Variants in RCOR1 observed in about 807,000 individuals in gnomAD.
RCOR1 encodes REST corepressor.
Under a neutral mutation model 64.0 loss-of-function variants are expected in RCOR1, and 12 were observed. The ratio of observed to expected loss-of-function variants is 0.19; its 90% CI spans 0.12 to 0.30. The LOEUF (loss-of-function observed/expected upper bound fraction) is 0.30, where lower values mean the gene tolerates loss of function less well. Ranked by LOEUF, RCOR1 falls within the 10% of genes least tolerant of loss-of-function variation. The pLI is 1.00. For synonymous variants in RCOR1, 279 were observed against 227.2 expected (o/e 1.23, Z -2.05); for missense variants, 502 against 621.2 (o/e 0.81, Z 2.04).
chr14:102,678,140 C>T (rs12323855), intron 2 of RCOR1, among the ~76,000 whole-genome samples: 2 of 151,526 alleles, frequency 1.3e-5, no homozygotes, highest in African/African-American at 2.4e-5. Context: ...TGCAGTGAGC[C>T]GAGATGGCAG....
rs1312820779 is a variant in RCOR1, at chr14:102,729,084, T to C, written c.*2578T>C. The C allele has an allele frequency of 6.5e-6, 1 of 152,678 alleles. No individual in the cohort carries two copies. The highest frequency in any genetic ancestry group is 2.4e-5 in the African/African-American group (1 of 41,466). The allele number at this position is 152,678 out of a possible 1,614,324, so 9.5% of individuals were successfully genotyped here. ...TTAAGCTTTGTCTTCTTAAAAATTA[T>C]CAATGTGAATGTCATAATTATATAT... On this transcript the variant is annotated 3_prime_UTR_variant, in exon 12 of 12. Transcript: ENST00000262241.
At chr14:102,706,950 G>C (rs1178089195) in intron 4 of RCOR1, among the ~76,000 whole-genome samples, 1 of 151,672 alleles carries the variant, frequency 6.6e-6, no homozygotes, top group African/African-American at 2.4e-5. Context: ...ACCTTCCCTT[G>C]TTGCTGTACC....
chr14:102,634,642 A>G (rs1180902767), intron 2 of RCOR1, among the ~76,000 whole-genome samples: 2 of 143,462 alleles, frequency 1.4e-5, no homozygotes, highest in African/African-American at 2.9e-5. Flanking sequence ...GTGTGTATAT[A>G]TATATATATG....
chr14:102,709,973 C>T (rs1443674457), intron 6 of RCOR1, among the ~76,000 whole-genome samples: 1 of 152,178 alleles, frequency 6.6e-6, no homozygotes, highest in Non-Finnish European at 1.5e-5. Flanking sequence ...CTCCCATGTG[C>T]ACCTCAACCA....
intron 11 of RCOR1, among the ~76,000 whole-genome samples, chr14:102,723,593 G>C (rs1896206070): frequency 6.6e-6 from 1 of 152,228 alleles, no homozygotes; most frequent in African/African-American, 2.4e-5. Flanking sequence ...TGCCTGAAAA[G>C]AGCATGTGAA....
chr14:102,633,829 G>T (rs1396365040), intron 2 of RCOR1, among the ~76,000 whole-genome samples: 1 of 152,134 alleles, frequency 6.6e-6, no homozygotes, highest in Non-Finnish European at 1.5e-5. Context: ...ATGAGCCACC[G>T]TACCCAGTCC....
chr14:102,606,218 G>A (rs1252982336), intron 2 of RCOR1, among the ~76,000 whole-genome samples: 1 of 152,030 alleles, frequency 6.6e-6, no homozygotes, highest in Non-Finnish European at 1.5e-5. Context: ...GAGCCACCGT[G>A]CCCGGCCTAA....
At position 102,730,023 on chromosome 14, in the gene RCOR1, T is replaced by G; in HGVS notation, c.*3517T>G. Reference sequence around the variant, plus strand: ...AGTCCCTGAATCTCTGCAGCTTCTCTTACCTGTCTTACCTGTAGTAAAGCA... The same window carrying G: ...AGTCCCTGAATCTCTGCAGCTTCTCGTACCTGTCTTACCTGTAGTAAAGCA... On this transcript the variant is annotated 3_prime_UTR_variant, in exon 12 of 12. Coordinates refer to ENST00000262241, the MANE Select transcript of RCOR1 (RefSeq NM_015156.4). 1 of 399,062 alleles carries G rather than the reference T, an allele frequency of 2.5e-6. No individual in the cohort carries two copies. Among genetic ancestry groups the G allele is most frequent in the Non-Finnish European group, 4.4e-6 (1 of 226,062 alleles). The allele number at this position is 399,062 out of a possible 1,614,324, so 24.7% of individuals were successfully genotyped here.
At chr14:102,692,828 C>G (rs1178070182) in intron 3 of RCOR1, among the ~76,000 whole-genome samples, 1 of 147,568 alleles carries the variant, frequency 6.8e-6, no homozygotes, top group East Asian at 2.0e-4. Context: ...TGCATTGGCA[C>G]AGTCTCAGCC....
At chr14:102,653,915 ATTTCCTTC>A (rs898946839) in intron 2 of RCOR1, among the ~76,000 whole-genome samples, 4 of 127,256 alleles carry the variant, frequency 3.1e-5, no homozygotes, top group Admixed American at 7.9e-5. Context: ...CATCTCAGGT[ATTTCCTTC>A]TTTCTTTCTT....
At chr14:102,621,979 C>G (rs879620479) in intron 2 of RCOR1, among the ~76,000 whole-genome samples, 2 of 152,168 alleles carry the variant, frequency 1.3e-5, no homozygotes, top group African/African-American at 2.4e-5. Flanking sequence ...ATTCCTCCCC[C>G]TCTCCCCGCA....
intron 2 of RCOR1, among the ~76,000 whole-genome samples, chr14:102,631,770 T>TTTCTG (rs1375967480): frequency 1.3e-5 from 2 of 152,156 alleles, no homozygotes; most frequent in Non-Finnish European, 2.9e-5. Context: ...CAACTCTTCT[T>TTTCTG]TTCTGTTCTG....
At chr14:102,725,516 C>G (rs946351411) in intron 11 of RCOR1, among the ~76,000 whole-genome samples, 1 of 152,148 alleles carries the variant, frequency 6.6e-6, no homozygotes, top group African/African-American at 2.4e-5. Context: ...AGCATGCCCT[C>G]AAGCCAGTGA....
intron 11 of RCOR1, among the ~76,000 whole-genome samples, chr14:102,723,431 G>C (rs1896201295): frequency 6.6e-6 from 1 of 152,160 alleles, no homozygotes; most frequent in Non-Finnish European, 1.5e-5. Flanking sequence ...GGACCTCAAG[G>C]CACAGCCATC....
chr14:102,708,984 G>GT (rs1491043186), intron 6 of RCOR1, among the ~76,000 whole-genome samples: 5 of 131,954 alleles, frequency 3.8e-5, no homozygotes, highest in Non-Finnish European at 6.4e-5. Context: ...TTGACCATCT[G>GT]TTTTTTGTGT....
intron 2 of RCOR1, among the ~76,000 whole-genome samples, chr14:102,631,523 A>T (rs749811247): frequency 4.6e-5 from 7 of 151,848 alleles, no homozygotes; most frequent in African/African-American, 7.3e-5. Context: ...TATTTTTGAG[A>T]ATAAAAAGGG....
intron 2 of RCOR1, chr14:102,659,015 C>G (rs373698190): frequency 1.7e-6 from 1 of 601,196 alleles, no homozygotes; most frequent in East Asian, 1.4e-4. Context: ...ACACTCAAGT[C>G]GGGGAGATTT....
chr14:102,603,094 T>A (rs1315278011), intron 2 of RCOR1, among the ~76,000 whole-genome samples: 2 of 151,888 alleles, frequency 1.3e-5, no homozygotes, highest in Non-Finnish European at 2.9e-5. Flanking sequence ...TTTCCCCTTT[T>A]TTGAGATGAG....
intron 2 of RCOR1, among the ~76,000 whole-genome samples, chr14:102,649,096 TAAAA>T (rs1008049618): frequency 6.7e-6 from 1 of 148,852 alleles, no homozygotes; most frequent in African/African-American, 2.5e-5. Context: ...TAATTCCAGG[TAAAA>T]AAATCACACA....
Sources: gnomAD v4.1 joint callset for allele counts (sites outside exome capture counted in the v4.1 genomes callset) on GRCh38, gnomAD v4.1.1 for gene constraint, MANE v1.5 for transcripts, NCBI Gene and HGNC (gene_info 2026-07-23, HGNC 2026-07-21) for gene names.